MRAP2: variants seen among roughly 807,000 people sequenced by gnomAD.
MRAP2 encodes the protein melanocortin-2 receptor accessory protein 2.
In MRAP2, 20 loss-of-function variants were observed where a neutral mutation model predicts 17.4. That is an observed-to-expected ratio of 1.15 (90% confidence interval 0.81 to 1.67). MRAP2 has a LOEUF of 1.67. MRAP2 is among the 40% of genes most tolerant of loss of function. The probability of loss-of-function intolerance (pLI) is 0.00; values close to 1 mark genes in which losing one functional copy is unlikely to be tolerated. For synonymous variants in MRAP2, 96 were observed against 88.4 expected (o/e 1.09, Z -0.48); for missense variants, 238 against 240.0 (o/e 0.99, Z 0.05).
intron 3 of MRAP2, among the ~76,000 whole-genome samples, chr6:84,074,381 C>T (rs1173129379): frequency 6.6e-6 from 1 of 152,152 alleles, no homozygotes; most frequent in East Asian, 1.9e-4. Flanking sequence ...TAAAGTAGAA[C>T]ATCAACAGCA....
At chr6:84,126,291 T>C in the MRAP2 span, 2 of 953,000 alleles carry the variant, frequency 2.1e-6, no homozygotes, top group Non-Finnish European at 2.9e-6. Context: ...TAAGTGGTAA[T>C]TTTTGCTAGG....
At chr6:84,050,032 G>T (rs2099490037) in intron 1 of MRAP2, among the ~76,000 whole-genome samples, 1 of 151,432 alleles carries the variant, frequency 6.6e-6, no homozygotes, top group Non-Finnish European at 1.5e-5. Context: ...GAATTGAGTG[G>T]CCAGAGCATC....
the MRAP2 span, among the ~76,000 whole-genome samples, chr6:84,115,517 G>C: frequency 7.9e-5 from 12 of 152,262 alleles, no homozygotes; most frequent in African/African-American, 2.9e-4. Flanking sequence ...GGGCTCCATG[G>C]GGGTGGGACC....
intron 3 of MRAP2, among the ~76,000 whole-genome samples, chr6:84,074,398 TG>T (rs2099497067): frequency 6.6e-6 from 1 of 152,232 alleles, no homozygotes; most frequent in African/African-American, 2.4e-5. Flanking sequence ...AGCATCCTTT[TG>T]GAACATGATT....
chr6:84,100,343 G>A, the MRAP2 span, among the ~76,000 whole-genome samples: 1 of 152,098 alleles, frequency 6.6e-6, no homozygotes, highest in Non-Finnish European at 1.5e-5. Flanking sequence ...GCTCACTGCA[G>A]CCTCAACTTC....
intron 1 of MRAP2, among the ~76,000 whole-genome samples, chr6:84,048,719 A>G (rs1339059046): frequency 6.6e-6 from 1 of 151,758 alleles, no homozygotes; most frequent in Non-Finnish European, 1.5e-5. Flanking sequence ...TATTATTATA[A>G]CTCCCTTGTC....
chr6:84,077,051 A>G (rs1226341881), intron 3 of MRAP2, among the ~76,000 whole-genome samples: 1 of 152,242 alleles, frequency 6.6e-6, no homozygotes. Context: ...TAAAGTGCTC[A>G]CTGAGGTCTA....
chr6:84,120,405 G>C, the MRAP2 span, among the ~76,000 whole-genome samples: 1 of 152,118 alleles, frequency 6.6e-6, no homozygotes, highest in Non-Finnish European at 1.5e-5. Flanking sequence ...CATCACACTA[G>C]GAGAAGATAG....
the MRAP2 span, among the ~76,000 whole-genome samples, chr6:84,139,861 G>A: frequency 6.7e-6 from 1 of 149,372 alleles, no homozygotes; most frequent in African/African-American, 2.6e-5. Flanking sequence ...ATCATTTGTT[G>A]TGAGAAGGAG....
At chr6:84,093,938 A>T (rs1254990708), downstream of MRAP2, among the ~76,000 whole-genome samples, 1 of 152,216 alleles carries the variant, frequency 6.6e-6, no homozygotes, top group Non-Finnish European at 1.5e-5. Flanking sequence ...CTACAACTTG[A>T]GTAAGGAGCT....
At chr6:84,145,580 G>A in the MRAP2 span, among the ~76,000 whole-genome samples, 1 of 151,976 alleles carries the variant, frequency 6.6e-6, no homozygotes, top group Non-Finnish European at 1.5e-5. Context: ...TATCTCTGGG[G>A]TTTTGTTATT....
the MRAP2 span, among the ~76,000 whole-genome samples, chr6:84,107,977 C>T: frequency 6.6e-6 from 1 of 152,194 alleles, no homozygotes; most frequent in Non-Finnish European, 1.5e-5. Flanking sequence ...TGGGATCAGA[C>T]ATAGCTTTGA....
intron 1 of MRAP2, among the ~76,000 whole-genome samples, chr6:84,049,574 G>T (rs1003154232): frequency 2.0e-5 from 3 of 152,196 alleles, no homozygotes; most frequent in African/African-American, 7.2e-5. Context: ...GACACCAGCT[G>T]GTGAAATAAG....
At chr6:84,055,542 T>G in intron 2 of MRAP2, 97 bp downstream of exon 2, 1 of 1,269,788 alleles carries the variant, frequency 7.9e-7, no homozygotes. Context: ...CTTTCTTCTT[T>G]ACAGAACTCT....
At chr6:84,083,919 A>G (rs2099499645) in intron 3 of MRAP2, among the ~76,000 whole-genome samples, 1 of 152,206 alleles carries the variant, frequency 6.6e-6, no homozygotes, top group South Asian at 2.1e-4. Context: ...ATAGTAATAC[A>G]AACTCAGTTT....
At chr6:84,055,167 G>A (rs1401165596) in intron 1 of MRAP2, 145 bp from the exon 2 acceptor site, 1 of 799,356 alleles carries the variant, frequency 1.3e-6, no homozygotes, top group Non-Finnish European at 2.0e-6. Flanking sequence ...TGAGCAGCTG[G>A]TAAGAACCTC....
At chr6:84,086,739 A>T (rs1274555949) in intron 3 of MRAP2, among the ~76,000 whole-genome samples, 1 of 152,154 alleles carries the variant, frequency 6.6e-6, no homozygotes, top group Admixed American at 6.5e-5. Flanking sequence ...AGGGGGCAGG[A>T]AAGGCACCTC....
the MRAP2 span, among the ~76,000 whole-genome samples, chr6:84,141,534 C>T: frequency 1.3e-5 from 2 of 152,146 alleles, no homozygotes; most frequent in Non-Finnish European, 2.9e-5. Context: ...TCCTCAAAAT[C>T]CAGTCTCAAC....
chr6:84,125,170 G>C, the MRAP2 span: 15 of 1,613,460 alleles, frequency 9.3e-6, no homozygotes, highest in Admixed American at 3.3e-5. Flanking sequence ...GTCTAGTTCT[G>C]TGCGGAACTT....
Sources: gnomAD v4.1 joint callset for allele counts (sites outside exome capture counted in the v4.1 genomes callset) on GRCh38, gnomAD v4.1.1 for gene constraint, MANE v1.5 for transcripts, NCBI Gene and HGNC (gene_info 2026-07-23, HGNC 2026-07-21) for gene names.